CABLES1: variants seen among roughly 807,000 people sequenced by gnomAD.
CABLES1 encodes Cdk5 and Abl enzyme substrate 1.
CABLES1 carries 36 observed loss-of-function variants against 57.8 expected under a neutral mutation model. The observed-to-expected ratio is 0.62, with a 90% CI of 0.48 to 0.82. CABLES1 has a LOEUF of 0.82. Among genes scored for constraint, CABLES1 ranks in the 40% least tolerant of loss-of-function variants. The pLI, the probability that CABLES1 is intolerant of heterozygous loss-of-function variation, is 0.00. For synonymous variants in CABLES1, 374 were observed against 363.0 expected (o/e 1.03, Z -0.35); for missense variants, 767 against 836.6 (o/e 0.92, Z 1.03).
chr18:23,253,646 A>G (rs1000578869), intron 8 of CABLES1, 83 bp from the exon 9 acceptor site: 6 of 1,146,866 alleles, frequency 5.2e-6, no homozygotes, highest in Middle Eastern at 2.8e-4. Context: ...AAAGAGAAAA[A>G]GCATTCAAGA....
intron 1 of CABLES1, among the ~76,000 whole-genome samples, chr18:23,180,042 C>A (rs1335317451): frequency 6.6e-6 from 1 of 152,178 alleles, no homozygotes; most frequent in African/African-American, 2.4e-5. Context: ...CCTCAGCCTT[C>A]TGAGTAGCTG....
chr18:23,199,707 A>G (rs1259471779), intron 3 of CABLES1, among the ~76,000 whole-genome samples: 1 of 152,224 alleles, frequency 6.6e-6, no homozygotes, highest in Non-Finnish European at 1.5e-5. Context: ...ATTATTGCTT[A>G]ATGAGTACAG....
intron 3 of CABLES1, among the ~76,000 whole-genome samples, chr18:23,213,470 T>A (rs2047419101): frequency 6.6e-6 from 1 of 152,222 alleles, no homozygotes; most frequent in South Asian, 2.1e-4. Context: ...ATTATGTAAT[T>A]GTTCCCTTAA....
intron 1 of CABLES1, among the ~76,000 whole-genome samples, chr18:23,164,327 C>T (rs1407345454): frequency 1.3e-5 from 2 of 152,210 alleles, no homozygotes; most frequent in Non-Finnish European, 2.9e-5. Context: ...CTCGGGTCGA[C>T]GTGGGCCAGT....
chr18:23,168,742 A>G (rs1203482247), intron 1 of CABLES1, among the ~76,000 whole-genome samples: 1 of 152,170 alleles, frequency 6.6e-6, no homozygotes, highest in Non-Finnish European at 1.5e-5. Context: ...CTCCGGAGCT[A>G]CTCAGGCCTG....
At chr18:23,137,456 G>C (rs1352295438) in intron 1 of CABLES1, among the ~76,000 whole-genome samples, 1 of 152,206 alleles carries the variant, frequency 6.6e-6, no homozygotes, top group African/African-American at 2.4e-5. Flanking sequence ...GCGGGAACAG[G>C]TGGGGAAATG....
chr18:23,163,529 GC>G (rs2047019707), intron 1 of CABLES1, among the ~76,000 whole-genome samples: 1 of 152,164 alleles, frequency 6.6e-6, no homozygotes, highest in Non-Finnish European at 1.5e-5. Context: ...GGCACAGGGT[GC>G]TGTCAGGGAA....
At position 23,162,637 on chromosome 18, in the gene CABLES1, C is replaced by G. The variant is rs1174841147; in HGVS notation, c.845+26030C>G. Among the ~76,000 whole-genome samples the G allele has an allele frequency of 2.0e-4, 31 of 152,230 alleles. 1 individual carries two copies. The highest frequency in any genetic ancestry group is 1.2e-4 in the Non-Finnish European group (8 of 68,022). Reference sequence around the variant, plus strand: ...AAGAACGTGTATTTCAAAAGAACAACAGAGGAGGAGAGAACAAGCAGGTGA... The same window carrying G: ...AAGAACGTGTATTTCAAAAGAACAAGAGAGGAGGAGAGAACAAGCAGGTGA... On this transcript the variant is annotated intron_variant, in intron 1 of 9. Transcript: ENST00000256925.
intron 1 of CABLES1, among the ~76,000 whole-genome samples, chr18:23,164,356 C>T (rs766206388): frequency 1.3e-5 from 2 of 152,182 alleles, no homozygotes; most frequent in East Asian, 1.9e-4. Context: ...TCACAAGGCC[C>T]GCAGCCTGAC....
chr18:23,153,349 C>T (rs1305722631), intron 1 of CABLES1, among the ~76,000 whole-genome samples: 1 of 152,046 alleles, frequency 6.6e-6, no homozygotes, highest in Non-Finnish European at 1.5e-5. Context: ...CTGCCTGCCT[C>T]AGCCTCCCAA....
chr18:23,187,805 A>G (rs1939733255), intron 1 of CABLES1, among the ~76,000 whole-genome samples: 4 of 152,202 alleles, frequency 2.6e-5, no homozygotes, highest in South Asian at 2.1e-4. Context: ...AGAAAAGCCA[A>G]ACAAGCCAAA....
chr18:23,231,208 T>C (rs1250113469), intron 4 of CABLES1, among the ~76,000 whole-genome samples: 1 of 152,202 alleles, frequency 6.6e-6, no homozygotes, highest in Admixed American at 6.5e-5. Flanking sequence ...ACTTATAAAA[T>C]AAGGGTAGCA....
chr18:23,138,954 G>A (rs951369557), intron 1 of CABLES1, among the ~76,000 whole-genome samples: 3 of 152,120 alleles, frequency 2.0e-5, no homozygotes. Context: ...TCCAGACTAC[G>A]TGAGTCCAGA....
chr18:23,209,273 C>T (rs1392807540), intron 3 of CABLES1, among the ~76,000 whole-genome samples: 2 of 152,306 alleles, frequency 1.3e-5, no homozygotes, highest in East Asian at 1.9e-4. Context: ...AAACATAGTA[C>T]ATACAGGCGT....
At position 23,181,496 on chromosome 18, in the gene CABLES1, CAAAAAAAAAAA is replaced by C. The variant is rs59742943; in HGVS notation, c.846-7321_846-7311del. 9.6e-4 allele frequency among the ~76,000 whole-genome samples: 34 copies of C among 35,412 alleles called. 1 individual carries two copies. Among genetic ancestry groups the C allele is most frequent in the South Asian group, 4.3e-3 (2 of 462 alleles). 23.2% of individuals were successfully genotyped at this position (35,412 alleles called of 152,430 possible). A position where few individuals can be genotyped will look rare whatever the true frequency, so the allele number is the denominator to read the frequency against. ...GGGCAACAAGAGCAAAGCTTCGTCT[CAAAAAAAAAAA>C]AAAAAAAAAAAAAAAAAAAAGATGC... On this transcript the variant is annotated intron_variant, in intron 1 of 9. Transcript: ENST00000256925.
chr18:23,223,166 TCCTCTA>T (rs1350841041), intron 4 of CABLES1, among the ~76,000 whole-genome samples: 3 of 152,198 alleles, frequency 2.0e-5, no homozygotes, highest in Non-Finnish European at 4.4e-5. Flanking sequence ...GTTTATCTAG[TCCTCTA>T]CCAACTCAGG....
intron 7 of CABLES1, among the ~76,000 whole-genome samples, chr18:23,237,488 T>C (rs1002058119): frequency 3.9e-5 from 6 of 152,180 alleles, no homozygotes; most frequent in Admixed American, 1.3e-4. Flanking sequence ...CCAGCTCAGG[T>C]TGGGGGACCC....
intron 1 of CABLES1, among the ~76,000 whole-genome samples, chr18:23,174,611 A>G (rs1327408872): frequency 6.6e-6 from 1 of 151,636 alleles, no homozygotes; most frequent in Admixed American, 6.6e-5. Flanking sequence ...AGCTGGGACT[A>G]CAGGCACCCA....
At chr18:23,169,394 T>C (rs2047066721) in intron 1 of CABLES1, among the ~76,000 whole-genome samples, 1 of 152,180 alleles carries the variant, frequency 6.6e-6, no homozygotes, top group Admixed American at 6.5e-5. Flanking sequence ...GGGGTCTGGA[T>C]CAGGACTCTT....
Sources: gnomAD v4.1 joint callset for allele counts (sites outside exome capture counted in the v4.1 genomes callset) on GRCh38, gnomAD v4.1.1 for gene constraint, MANE v1.5 for transcripts, NCBI Gene and HGNC (gene_info 2026-07-23, HGNC 2026-07-21) for gene names.